POMT2: variants seen among roughly 807,000 people sequenced by gnomAD.
POMT2 encodes protein O-mannosyl-transferase 2.
POMT2 carries 75 observed loss-of-function variants against 100.0 expected under a neutral mutation model. The ratio of observed to expected loss-of-function variants is 0.75; its 90% CI spans 0.62 to 0.91. The LOEUF is 0.91. Ranked by LOEUF, POMT2 falls within the 40% of genes least tolerant of loss-of-function variation. The pLI is 0.00. For missense variants in POMT2, 940 were observed against 955.1 expected (o/e 0.98, Z 0.21); for synonymous variants, 378 against 374.1 (o/e 1.01, Z -0.12).
chr14:77,304,606 G>C (rs1209173681), intron 4 of POMT2, 86 bp downstream of exon 4: 1 of 1,536,426 alleles, frequency 6.5e-7, no homozygotes, highest in East Asian at 2.5e-5. Context: ...CCCACATATA[G>C]GGCCCTTGAA....
rs1891870282 is a variant in POMT2 at position 77,320,819 on chromosome 14, C to G, written c.-138G>C. 1 of 1,379,714 alleles carries G rather than the reference C, an allele frequency of 7.2e-7. No individual in the cohort carries two copies. The highest frequency in any genetic ancestry group is 9.3e-7 in the Non-Finnish European group (1 of 1,073,868). 85.5% of individuals were successfully genotyped at this position (1,379,714 alleles called of 1,614,324 possible). On this transcript the variant is annotated 5_prime_UTR_variant, in exon 1 of 21. Coordinates refer to ENST00000261534, the MANE Select transcript of POMT2 (RefSeq NM_013382.7). ...CTTCACTGCAGCGGAGCGCGGGGCC[C>G]CGGGCTCGGGGCGGGGCGGGCAGCG... is the stretch of plus-strand genomic sequence containing the variant.
intron 9 of POMT2, among the ~76,000 whole-genome samples, chr14:77,292,788 T>C (rs1208254928): frequency 6.6e-6 from 1 of 152,246 alleles, no homozygotes; most frequent in Non-Finnish European, 1.5e-5. Flanking sequence ...TCCACTGTGT[T>C]CCAACTGCCT....
intron 5 of POMT2, among the ~76,000 whole-genome samples, chr14:77,301,896 T>A (rs897969939): frequency 6.6e-6 from 1 of 152,220 alleles, no homozygotes; most frequent in Non-Finnish European, 1.5e-5. Context: ...CTCTACACTA[T>A]GATTCTCTGG....
At chr14:77,307,634 T>C (rs1891270197) in intron 2 of POMT2, among the ~76,000 whole-genome samples, 1 of 152,174 alleles carries the variant, frequency 6.6e-6, no homozygotes, top group Non-Finnish European at 1.5e-5. Flanking sequence ...AGAAGAAATG[T>C]ACAGATGCTT....
chr14:77,288,388 G>C (rs1007785291), intron 11 of POMT2, among the ~76,000 whole-genome samples: 1 of 152,180 alleles, frequency 6.6e-6, no homozygotes, highest in African/African-American at 2.4e-5. Flanking sequence ...GAAGCTTTGG[G>C]AGCTGGGTGT....
intron 9 of POMT2, 72 bp downstream of exon 9, chr14:77,296,092 T>C (rs1028922351): frequency 2.0e-5 from 24 of 1,178,268 alleles, no homozygotes; most frequent in Non-Finnish European, 3.0e-5. Flanking sequence ...GAGCAAAGGA[T>C]AGGAGGCAAG....
intron 1 of POMT2, among the ~76,000 whole-genome samples, chr14:77,319,174 C>T (rs990837824): frequency 6.6e-6 from 1 of 152,154 alleles, no homozygotes; most frequent in Non-Finnish European, 1.5e-5. Context: ...TAGACTGCAG[C>T]CCAGATGTCT....
In POMT2 at chr14:77,299,532, A is replaced by T. The variant is rs750579071; in HGVS notation, c.846T>A (p.Arg282=). The T allele has an allele frequency of 6.8e-6, 11 of 1,614,192 alleles. No homozygotes were observed. The East Asian group carries it at 2.0e-4, about 29-fold the overall frequency. The change falls in exon 7 of 21, where the codon CGT becomes CGA. Residue 282 remains arginine (R), a synonymous_variant. Coordinates refer to ENST00000261534, the MANE Select transcript of POMT2 (RefSeq NM_013382.7). The part of the protein sequence containing the change: ...LVTVGKHLTA[R]VLCLIVLPLA... Reference sequence around the variant, plus strand: ...GGGGCAGCACTATGAGGCACAGGACACGAGCAGTCAGGTGTTTTCCCACAG... The same window carrying T: ...GGGGCAGCACTATGAGGCACAGGACTCGAGCAGTCAGGTGTTTTCCCACAG...
intron 5 of POMT2, 143 bp from the exon 6 acceptor site, chr14:77,301,392 C>A: frequency 1.7e-6 from 2 of 1,151,594 alleles, no homozygotes; most frequent in Non-Finnish European, 2.5e-6. Flanking sequence ...GGGACCATGG[C>A]GTGGCTCCAT....
chr14:77,285,444 G>T, intron 13 of POMT2, 37 bp downstream of exon 13: 1 of 1,613,494 alleles, frequency 6.2e-7, no homozygotes, highest in Middle Eastern at 1.7e-4. Flanking sequence ...GGAAAATCAG[G>T]ACCCTCGATT....
At chr14:77,301,670 G>A (rs530976182) in intron 5 of POMT2, among the ~76,000 whole-genome samples, 4 of 152,276 alleles carry the variant, frequency 2.6e-5, no homozygotes, top group East Asian at 1.9e-4. Flanking sequence ...TATGCGTCAC[G>A]CATCATTCCA....
In POMT2 at chr14:77,302,932, G is replaced by A. The variant is rs398124265; in HGVS notation, c.559C>T (p.Leu187Phe). The A allele has an allele frequency of 4.3e-6, 7 of 1,612,356 alleles. No individual in the cohort carries two copies. Among genetic ancestry groups the A allele is most frequent in the Non-Finnish European group, 5.9e-6 (7 of 1,178,654 alleles). The change falls in exon 5 of 21, where the codon CTC becomes TTC. Residue 187 changes from leucine (L) to phenylalanine (F), a missense_variant. Physicochemically the swap from Leu to Phe is conservative, Grantham distance 22. Coordinates refer to ENST00000261534, the MANE Select transcript of POMT2 (RefSeq NM_013382.7). Reference sequence around the variant, plus strand: ...AGGAGGATGTACTGGGACAGAGTGAGGCATCCCGTGTCTGAAAAACATGAG... The same window carrying A: ...AGGAGGATGTACTGGGACAGAGTGAAGCATCCCGTGTCTGAAAAACATGAG... ...AALLTFDTGC[L>F]TLSQYILLDP...
At chr14:77,293,659 T>C (rs1292268966) in intron 9 of POMT2, among the ~76,000 whole-genome samples, 1 of 152,218 alleles carries the variant, frequency 6.6e-6, no homozygotes, top group African/African-American at 2.4e-5. Flanking sequence ...TCCAATCCCC[T>C]CAATTTACAG....
rs143329994 is a variant in POMT2, at chr14:77,278,769, G to A, written c.1992C>T (p.His664=). The A allele has an allele frequency of 3.1e-6, 5 of 1,613,988 alleles. No homozygotes were observed. The highest frequency in any genetic ancestry group is 4.2e-6 in the Non-Finnish European group (5 of 1,179,942). ...AGAAGAGCATGGCTGGGAAGTAGTG[G>A]TGGAAGTAGAGGACCCGGCCCATCA... The part of the protein sequence containing the change: ...FFLMGRVLYF[H]HYFPAMLFSS... The change falls in exon 19 of 21, where the codon CAC becomes CAT. Residue 664 remains histidine, a synonymous_variant. Coordinates refer to ENST00000261534, the MANE Select transcript of POMT2 (RefSeq NM_013382.7).
intron 6 of POMT2, chr14:77,300,819 C>G (rs1389367223): frequency 8.8e-6 from 3 of 340,068 alleles, no homozygotes; most frequent in Non-Finnish European, 1.6e-5. Flanking sequence ...AACTCTATCT[C>G]AAAAAAAAAA....
chr14:77,312,181 A>G, intron 1 of POMT2, 148 bp from the exon 2 acceptor site: 3 of 1,335,682 alleles, frequency 2.2e-6, no homozygotes, highest in Non-Finnish European at 3.0e-6. Flanking sequence ...TTTTGACACA[A>G]GTGATTTTAG....
chr14:77,292,080 A>T (rs1890662758), intron 9 of POMT2, among the ~76,000 whole-genome samples: 1 of 152,208 alleles, frequency 6.6e-6, no homozygotes. Context: ...TAAATGAAAA[A>T]TTCATGCTAT....
At chr14:77,293,198 T>C (rs995459311) in intron 9 of POMT2, among the ~76,000 whole-genome samples, 8 of 152,362 alleles carry the variant, frequency 5.3e-5, no homozygotes, top group Middle Eastern at 6.8e-3. Context: ...ATATCGTCCA[T>C]CCAGCCTGGA....
chr14:77,275,978 T>C lies in POMT2; in HGVS notation c.*1398A>G, dbSNP rs753184410. 2 of 152,560 alleles carry C rather than the reference T, an allele frequency of 1.3e-5. No individual in the cohort carries two copies. Among genetic ancestry groups the C allele is most frequent in the Non-Finnish European group, 1.5e-5 (1 of 68,048 alleles). The allele number at this position is 152,560 out of a possible 1,614,324, so 9.5% of individuals were successfully genotyped here. On this transcript the variant is annotated 3_prime_UTR_variant, in exon 21 of 21. Coordinates refer to ENST00000261534, the MANE Select transcript of POMT2 (RefSeq NM_013382.7). ...CGTGGCAACCGCCTCCTGAAGATGC[T>C]TTAAAGAGATCTGACCCTGTCAGAG...
Sources: gnomAD v4.1 joint callset for allele counts (sites outside exome capture counted in the v4.1 genomes callset) on GRCh38, gnomAD v4.1.1 for gene constraint, MANE v1.5 for transcripts, NCBI Gene and HGNC (gene_info 2026-07-23, HGNC 2026-07-21) for gene names.